The following PLEKHG1 variants were observed in gnomAD, a reference collection of about 807,000 sequenced individuals.
The protein encoded by PLEKHG1 is pleckstrin homology and RhoGEF domain containing G1.
Under a neutral mutation model 100.8 loss-of-function variants are expected in PLEKHG1, and 44 were observed. The ratio of observed to expected loss-of-function variants is 0.44; its 90% CI spans 0.34 to 0.56. The LOEUF (loss-of-function observed/expected upper bound fraction) is 0.56, where lower values mean the gene tolerates loss of function less well. PLEKHG1 is among the 20% of genes least tolerant of loss of function. PLEKHG1 has a pLI of 0.01. For missense variants in PLEKHG1, 1,545 were observed against 1,720.9 expected (o/e 0.90, Z 1.81); for synonymous variants, 640 against 662.5 (o/e 0.97, Z 0.52).
At chr6:150,638,860 T>G (rs1306579907) in intron 2 of PLEKHG1, among the ~76,000 whole-genome samples, 1 of 152,242 alleles carries the variant, frequency 6.6e-6, no homozygotes, top group Non-Finnish European at 1.5e-5. Context: ...CTGGATGCAT[T>G]CCTGAAATTT....
At chr6:150,755,374 C>A (rs1389829769) in intron 2 of PLEKHG1, among the ~76,000 whole-genome samples, 1 of 152,180 alleles carries the variant, frequency 6.6e-6, no homozygotes, top group Non-Finnish European at 1.5e-5. Context: ...AGTAAATTAG[C>A]CTTCCTACGG....
chr6:150,740,377 C>T (rs1782785988), intron 2 of PLEKHG1, among the ~76,000 whole-genome samples: 1 of 152,212 alleles, frequency 6.6e-6, no homozygotes, highest in African/African-American at 2.4e-5. Context: ...TTCCCTGGCC[C>T]AGCCTTACCT....
chr6:150,713,168 A>G (rs553097271), intron 3 of PLEKHG1, among the ~76,000 whole-genome samples: 49 of 152,234 alleles, frequency 3.2e-4, no homozygotes, highest in Non-Finnish European at 4.1e-4. Flanking sequence ...GATCAGCAGG[A>G]TGTTGCTCTG....
chr6:150,818,456 A>C (rs1267253509), intron 11 of PLEKHG1, among the ~76,000 whole-genome samples: 1 of 152,222 alleles, frequency 6.6e-6, no homozygotes, highest in Non-Finnish European at 1.5e-5. Flanking sequence ...TTTCTGCATC[A>C]ACTAACAATG....
intron 2 of PLEKHG1, among the ~76,000 whole-genome samples, chr6:150,766,339 C>T (rs771104229): frequency 3.3e-5 from 5 of 152,182 alleles, no homozygotes; most frequent in South Asian, 4.1e-4. Context: ...TAATAAATTT[C>T]GTTGGTGTCC....
intron 3 of PLEKHG1, among the ~76,000 whole-genome samples, chr6:150,771,316 C>G: frequency 6.6e-6 from 1 of 151,856 alleles, no homozygotes. Context: ...ACTTGGGAGG[C>G]TGAGGCAGGA....
chr6:150,642,690 C>G (rs193182388), intron 2 of PLEKHG1, among the ~76,000 whole-genome samples: 3 of 152,314 alleles, frequency 2.0e-5, no homozygotes, highest in African/African-American at 4.8e-5. Context: ...TTAGCACCTG[C>G]ACTGGTATGC....
chr6:150,813,319 A>AAC (rs397695195), intron 10 of PLEKHG1, among the ~76,000 whole-genome samples: 5 of 151,296 alleles, frequency 3.3e-5, no homozygotes, highest in African/African-American at 1.2e-4. Context: ...AAAAAAAAAA[A>AAC]CAAAATGGAC....
At chr6:150,688,837 G>T (rs1347884705) in intron 3 of PLEKHG1, among the ~76,000 whole-genome samples, 1 of 152,110 alleles carries the variant, frequency 6.6e-6, no homozygotes, top group Non-Finnish European at 1.5e-5. Flanking sequence ...CAATTCAATG[G>T]TTTTTGGTAT....
At chr6:150,808,998 C>A in intron 7 of PLEKHG1, 107 bp from the exon 9 acceptor site, 2 of 871,822 alleles carry the variant, frequency 2.3e-6, no homozygotes, top group Non-Finnish European at 1.8e-6. Flanking sequence ...GTTAGACCCC[C>A]TCAGGGACGA....
chr6:150,789,292 A>G (rs1186671402), intron 4 of PLEKHG1, among the ~76,000 whole-genome samples: 2 of 152,194 alleles, frequency 1.3e-5, no homozygotes, highest in African/African-American at 2.4e-5. Context: ...TGATTTATAT[A>G]TATTTGTATA....
intron 3 of PLEKHG1, among the ~76,000 whole-genome samples, chr6:150,661,022 G>A (rs1232645007): frequency 6.6e-6 from 1 of 152,142 alleles, no homozygotes; most frequent in Non-Finnish European, 1.5e-5. Context: ...TTCTTCCTTC[G>A]TGGGGTCAAG....
intron 3 of PLEKHG1, among the ~76,000 whole-genome samples, chr6:150,687,963 G>A (rs1780200623): frequency 6.6e-6 from 1 of 152,134 alleles, no homozygotes; most frequent in Non-Finnish European, 1.5e-5. Context: ...TTTCAGGCTG[G>A]CTATATTCAA....
intron 3 of PLEKHG1, 104 bp downstream of exon 4, chr6:150,768,842 A>T (rs1784574868): frequency 1.4e-6 from 1 of 693,600 alleles, no homozygotes; most frequent in South Asian, 1.8e-5. Flanking sequence ...ACTCAGCTTC[A>T]TATATTTTTG....
chr6:150,796,529 A>G (rs552365999), intron 5 of PLEKHG1, among the ~76,000 whole-genome samples: 9 of 152,350 alleles, frequency 5.9e-5, no homozygotes, highest in South Asian at 2.1e-4. Context: ...GATGGGCTAC[A>G]ACGGTAGGAA....
chr6:150,685,382 C>A (rs1330477504), intron 3 of PLEKHG1, among the ~76,000 whole-genome samples: 1 of 152,120 alleles, frequency 6.6e-6, no homozygotes, highest in Non-Finnish European at 1.5e-5. Context: ...CCCATCTGAG[C>A]CCAGCTCAGC....
chr6:150,757,579 GTA>G lies in PLEKHG1; in HGVS notation c.412-11057_412-11056del, dbSNP rs1554268537. Among the ~76,000 whole-genome samples the G allele has an allele frequency of 2.8e-4, 43 of 152,018 alleles. No homozygotes were observed. The East Asian group carries it at 8.0e-3, about 28-fold the overall frequency. ...CACAAGTATGTGTGTGTGTGTGTGT[GTA>G]TGTGTGTGTCAGAAGTTACTCTAAG... On this transcript the variant is annotated intron_variant, in intron 2 of 15. Transcript: ENST00000358517.
chr6:150,632,526 T>C (rs114257298), intron 1 of PLEKHG1, among the ~76,000 whole-genome samples: 1,779 of 152,312 alleles, frequency 0.012, 41 homozygotes, highest in African/African-American at 0.041. Context: ...CCCAGGCGAG[T>C]GTTGCCTGCA....
At chr6:150,608,014 A>G (rs1776673716) in intron 1 of PLEKHG1, among the ~76,000 whole-genome samples, 1 of 152,200 alleles carries the variant, frequency 6.6e-6, no homozygotes, top group Non-Finnish European at 1.5e-5. Flanking sequence ...ATTCAACTCA[A>G]AGGAACATCA....
Sources: allele counts gnomAD v4.1 joint callset (sites outside exome capture counted in the v4.1 genomes callset), GRCh38; gene constraint gnomAD v4.1.1; transcripts MANE v1.5; gene names NCBI Gene and HGNC (gene_info 2026-07-23, HGNC 2026-07-21).